The following DYNC1I1 variants were observed in gnomAD, a reference collection of about 807,000 sequenced individuals.
The protein encoded by DYNC1I1 is dynein cytoplasmic 1 intermediate chain 1, also known as cytoplasmic dynein 1 intermediate chain 1.
DYNC1I1 carries 43 observed loss-of-function variants against 86.6 expected under a neutral mutation model. The observed-to-expected ratio is 0.50, with a 90% CI of 0.39 to 0.64. The LOEUF (loss-of-function observed/expected upper bound fraction) is 0.64, where lower values mean the gene tolerates loss of function less well. Among genes scored for constraint, DYNC1I1 ranks in the 30% least tolerant of loss-of-function variants. The pLI is 0.00. For synonymous variants in DYNC1I1, 262 were observed against 283.7 expected (o/e 0.92, Z 0.77); for missense variants, 604 against 788.8 (o/e 0.77, Z 2.81).
intron 3 of DYNC1I1, among the ~76,000 whole-genome samples, chr7:95,812,049 T>C (rs531815707): frequency 5.1e-4 from 77 of 152,314 alleles, no homozygotes; most frequent in African/African-American, 1.8e-3. Context: ...GTTTTCATTT[T>C]TCAGCCATCT....
intron 16 of DYNC1I1, among the ~76,000 whole-genome samples, chr7:96,107,763 T>G (rs748652202): frequency 9.2e-5 from 14 of 151,946 alleles, no homozygotes; most frequent in Admixed American, 3.9e-4. Flanking sequence ...CCTGACCTCG[T>G]GATCCACCTG....
chr7:95,849,107 A>G lies in DYNC1I1; in HGVS notation c.375-20776A>G, dbSNP rs187442824. On this transcript the variant is annotated intron_variant, in intron 5 of 16. Coordinates refer to ENST00000447467, the MANE Select transcript of DYNC1I1 (RefSeq NM_001135556.2). Reference sequence around the variant, plus strand: ...TTCTTGCTATTAAATTGAGTTCCTTATATATTTTGGATATTATCCCTTAAT... The same window carrying G: ...TTCTTGCTATTAAATTGAGTTCCTTGTATATTTTGGATATTATCCCTTAAT... Among the ~76,000 whole-genome samples, 59 of 131,514 alleles carry G rather than the reference A, an allele frequency of 4.5e-4. 2 individuals are homozygous for G. The East Asian group carries it at 0.011, about 25-fold the overall frequency. 86.3% of individuals were successfully genotyped at this position (131,514 alleles called of 152,430 possible).
intron 6 of DYNC1I1, among the ~76,000 whole-genome samples, chr7:95,951,049 A>G (rs1173898423): frequency 6.6e-6 from 1 of 152,248 alleles, no homozygotes; most frequent in African/African-American, 2.4e-5. Context: ...TTTGGTGTCA[A>G]TGATTATACC....
At chr7:96,069,343 A>C (rs1027322838) in intron 14 of DYNC1I1, among the ~76,000 whole-genome samples, 3 of 152,204 alleles carry the variant, frequency 2.0e-5, no homozygotes, top group Admixed American at 1.3e-4. Flanking sequence ...CCAGAATGAG[A>C]ATAGCAATCA....
chr7:95,899,495 A>G (rs1478393958), intron 6 of DYNC1I1, among the ~76,000 whole-genome samples: 1 of 151,968 alleles, frequency 6.6e-6, no homozygotes, highest in East Asian at 1.9e-4. Flanking sequence ...GGCACATTCC[A>G]CTCCAGATGG....
chr7:95,838,852 A>T (rs77146111), intron 5 of DYNC1I1, among the ~76,000 whole-genome samples: 16,284 of 152,032 alleles, frequency 0.11, 989 homozygotes, highest in African/African-American at 0.16. Flanking sequence ...AGAAACACTT[A>T]ATTTTTGCAT....
chr7:95,972,277 G>A (rs1012642190), intron 6 of DYNC1I1, among the ~76,000 whole-genome samples: 3 of 152,164 alleles, frequency 2.0e-5, no homozygotes, highest in Admixed American at 6.5e-5. Context: ...CGTGGGGACC[G>A]AGGGAGCTCT....
In DYNC1I1 at chr7:95,784,379, G is replaced by C. The variant is rs138500158; in HGVS notation, c.-10+11606G>C. ...GAATGTTAAAATGTCCATGTGCTTG[G>C]GGCCAGTGCCGTAGCAAAGGACTGA... is the stretch of plus-strand genomic sequence containing the variant. On this transcript the variant is annotated intron_variant, in intron 1 of 16. Coordinates refer to ENST00000447467, the MANE Select transcript of DYNC1I1 (RefSeq NM_001135556.2). 3.7e-3 allele frequency among the ~76,000 whole-genome samples: 567 copies of C among 152,252 alleles called. 4 individuals are homozygous for C. Among genetic ancestry groups the C allele is most frequent in the African/African-American group, 0.013 (537 of 41,524 alleles).
At chr7:95,898,108 A>T (rs1335229031) in intron 6 of DYNC1I1, among the ~76,000 whole-genome samples, 3 of 152,162 alleles carry the variant, frequency 2.0e-5, no homozygotes, top group African/African-American at 7.2e-5. Flanking sequence ...GCTGGGAATT[A>T]TTCTCTCCAC....
chr7:95,971,338 T>A (rs319306), intron 6 of DYNC1I1, among the ~76,000 whole-genome samples: 123,159 of 152,230 alleles, frequency 0.81, 50,151 homozygotes, highest in East Asian at 0.92. Context: ...ATATATTTTT[T>A]AAAACTTTAA....
At chr7:95,803,067 A>T (rs1185327844) in intron 1 of DYNC1I1, among the ~76,000 whole-genome samples, 2 of 152,240 alleles carry the variant, frequency 1.3e-5, no homozygotes, top group African/African-American at 4.8e-5. Flanking sequence ...GTAGTAGGTC[A>T]GAGCACGGAC....
rs142121463 is a variant in DYNC1I1 at position 95,802,117 on chromosome 7, C to T, written c.-9-2604C>T. On this transcript the variant is annotated intron_variant, in intron 1 of 16. Transcript: ENST00000447467. ...TTCAGTCCCCCATCCCACTTCTCCC[C>T]CCATCTGTAGTGTTGTATTTGTGCA... 1.6e-3 allele frequency among the ~76,000 whole-genome samples: 243 copies of T among 152,144 alleles called. 1 individual carries two copies. The highest frequency in any genetic ancestry group is 5.5e-3 in the African/African-American group (230 of 41,526).
intron 6 of DYNC1I1, among the ~76,000 whole-genome samples, chr7:95,912,839 A>C (rs771923553): frequency 6.6e-6 from 1 of 152,164 alleles, no homozygotes; most frequent in African/African-American, 2.4e-5. Context: ...GACCACCTCA[A>C]AGGCAGGAGA....
chr7:95,896,312 G>A (rs80119154), intron 6 of DYNC1I1, among the ~76,000 whole-genome samples: 1 of 152,288 alleles, frequency 6.6e-6, no homozygotes, highest in East Asian at 1.9e-4. Context: ...AAGCTTGAGA[G>A]CGTCCTAAAC....
At chr7:95,948,065 G>A (rs1014007688) in intron 6 of DYNC1I1, among the ~76,000 whole-genome samples, 34 of 140,192 alleles carry the variant, frequency 2.4e-4, no homozygotes, top group Non-Finnish European at 5.0e-4. Flanking sequence ...TCAATGCAAA[G>A]CCCCATGACC....
At chr7:96,043,988 G>A (rs1445635393) in intron 14 of DYNC1I1, among the ~76,000 whole-genome samples, 8 of 152,218 alleles carry the variant, frequency 5.3e-5, no homozygotes, top group Non-Finnish European at 1.0e-4. Context: ...GATTACAGGT[G>A]TGAGGCACTG....
intron 16 of DYNC1I1, among the ~76,000 whole-genome samples, chr7:96,090,268 T>C (rs934581056): frequency 3.3e-5 from 5 of 152,132 alleles, no homozygotes; most frequent in Non-Finnish European, 7.4e-5. Context: ...TTTGTTGTTG[T>C]TTTTCTTCCA....
intron 5 of DYNC1I1, among the ~76,000 whole-genome samples, chr7:95,855,966 A>AT (rs1212926676): frequency 1.3e-5 from 2 of 151,930 alleles, no homozygotes; most frequent in African/African-American, 2.4e-5. Flanking sequence ...TAAATTTATA[A>AT]TTTTTTCCTT....
At chr7:96,079,719 G>A (rs1401085611) in intron 15 of DYNC1I1, among the ~76,000 whole-genome samples, 5 of 152,012 alleles carry the variant, frequency 3.3e-5, no homozygotes, top group African/African-American at 7.2e-5. Context: ...GTTGTGGATC[G>A]CTTATTACAC....
Sources: allele counts gnomAD v4.1 joint callset (sites outside exome capture counted in the v4.1 genomes callset), GRCh38; gene constraint gnomAD v4.1.1; transcripts MANE v1.5; gene names NCBI Gene and HGNC (gene_info 2026-07-23, HGNC 2026-07-21).